Variants in LARGE1 observed in about 807,000 individuals in gnomAD.
LARGE1 encodes LARGE xylosyl- and glucuronyltransferase 1, also known as xylosyl- and glucuronyltransferase LARGE1.
Under a neutral mutation model 87.6 loss-of-function variants are expected in LARGE1, and 43 were observed. The observed-to-expected ratio is 0.49, with a 90% confidence interval of 0.38 to 0.63. The LOEUF (loss-of-function observed/expected upper bound fraction) is 0.63. Among genes scored for constraint, LARGE1 ranks in the 30% least tolerant of loss-of-function variants. The pLI is 0.00. For missense variants in LARGE1, 802 were observed against 1,000.2 expected (o/e 0.80, Z 2.67); for synonymous variants, 434 against 394.6 (o/e 1.10, Z -1.18).
chr22:33,295,359 C>T (rs1189517014), intron 12 of LARGE1, among the ~76,000 whole-genome samples: 3 of 152,220 alleles, frequency 2.0e-5, no homozygotes, highest in Non-Finnish European at 2.9e-5. Context: ...TGTGTGTGTA[C>T]ATGCGTGTGG....
the LARGE1 span, among the ~76,000 whole-genome samples, chr22:33,075,765 T>A: frequency 1.3e-5 from 2 of 152,234 alleles, no homozygotes; most frequent in African/African-American, 4.8e-5. Flanking sequence ...CGGTATCACA[T>A]TCCTTCCTCT....
At chr22:33,327,907 A>C (rs1322034529) in intron 10 of LARGE1, among the ~76,000 whole-genome samples, 3 of 152,202 alleles carry the variant, frequency 2.0e-5, no homozygotes, top group Admixed American at 2.0e-4. Flanking sequence ...CTTCAAGAAA[A>C]GGACTTGTTA....
chr22:33,728,317 T>A (rs1347861522), intron 2 of LARGE1, among the ~76,000 whole-genome samples: 1 of 152,106 alleles, frequency 6.6e-6, no homozygotes, highest in Middle Eastern at 3.4e-3. Context: ...GGCAGGCAGA[T>A]CACTTGAGGT....
At chr22:33,151,565 T>C in the LARGE1 span, among the ~76,000 whole-genome samples, 35 of 152,192 alleles carry the variant, frequency 2.3e-4, no homozygotes, top group Non-Finnish European at 4.4e-4. Flanking sequence ...GGTATGATAC[T>C]AGCTATTGTC....
chr22:33,804,382 G>C (rs1206734415), intron 1 of LARGE1, among the ~76,000 whole-genome samples: 1 of 152,132 alleles, frequency 6.6e-6, no homozygotes, highest in Admixed American at 6.5e-5. Context: ...TTTCTACCAT[G>C]GTCTTCAGGC....
intron 2 of LARGE1, among the ~76,000 whole-genome samples, chr22:33,658,921 A>G (rs1466767249): frequency 1.3e-5 from 2 of 152,154 alleles, no homozygotes; most frequent in Non-Finnish European, 2.9e-5. Context: ...GCCACACTTA[A>G]TTATAGTATT....
At chr22:33,269,734 G>A (rs1928143180), downstream of LARGE1, among the ~76,000 whole-genome samples, 1 of 151,996 alleles carries the variant, frequency 6.6e-6, no homozygotes, top group South Asian at 2.1e-4. Context: ...CTGAGCCACC[G>A]GTGGCTCACG....
chr22:33,404,948 G>C, intron 7 of LARGE1, among the ~76,000 whole-genome samples: 1 of 152,248 alleles, frequency 6.6e-6, no homozygotes, highest in East Asian at 1.9e-4. Context: ...TAGTCATCAC[G>C]GCCACAAAAG....
At chr22:33,831,086 TTTTTTTC>T (rs954641446) in intron 1 of LARGE1, among the ~76,000 whole-genome samples, 6 of 146,848 alleles carry the variant, frequency 4.1e-5, no homozygotes, top group Middle Eastern at 3.5e-3. Context: ...GCAGATATTA[TTTTTTTC>T]TTTTTTCTTT....
rs1175056491 is a variant in LARGE1 at position 33,273,431 on chromosome 22, A to G, written c.*996T>C. 2.5e-6 allele frequency: 1 copy of G among 398,694 alleles called. No individual in the cohort carries two copies. Among genetic ancestry groups the G allele is most frequent in the Middle Eastern group, 6.3e-4 (1 of 1,588 alleles). The allele number at this position is 398,694 out of a possible 1,614,324, so 24.7% of individuals were successfully genotyped here. A position where few individuals can be genotyped will look rare whatever the true frequency, so the allele number is the denominator to read the frequency against. ...CAGAACTGGGCTTTCATGAATTATG[A>G]AAGTTCTTCGAAAGGCCTGAGAGGT... On this transcript the variant is annotated 3_prime_UTR_variant, in exon 15 of 15. Coordinates refer to ENST00000397394, the MANE Select transcript of LARGE1 (RefSeq NM_133642.5).
At position 33,310,611 on chromosome 22, in the gene LARGE1, C is replaced by T. The variant is rs551751597; in HGVS notation, c.1451+5474G>A. Among the ~76,000 whole-genome samples, 12 of 152,118 alleles carry T rather than the reference C, an allele frequency of 7.9e-5. 1 individual carries two copies. Among genetic ancestry groups the T allele is most frequent in the Non-Finnish European group, 1.2e-4 (8 of 68,002 alleles). On this transcript the variant is annotated intron_variant, in intron 11 of 14. Transcript: ENST00000397394. ...ATTCACGTAGGGCCTACTTCTGACT[C>T]GAAGGTTTACAAATATATCTGAAAG...
intron 5 of LARGE1, among the ~76,000 whole-genome samples, chr22:33,581,145 A>G (rs951474688): frequency 9.2e-5 from 14 of 152,196 alleles, no homozygotes; most frequent in Admixed American, 1.3e-4. Flanking sequence ...CACATAGGAA[A>G]CTAAGACTTA....
chr22:33,706,271 C>T (rs1031354820), intron 2 of LARGE1, among the ~76,000 whole-genome samples: 5 of 152,172 alleles, frequency 3.3e-5, no homozygotes, highest in African/African-American at 7.2e-5. Context: ...ATGGATCACA[C>T]GGCTCAGCCC....
At chr22:33,344,359 C>T (rs1270755915) in intron 9 of LARGE1, among the ~76,000 whole-genome samples, 5 of 151,048 alleles carry the variant, frequency 3.3e-5, no homozygotes, top group Non-Finnish European at 7.4e-5. Flanking sequence ...AGACCATACT[C>T]TCTTCCTGAA....
intron 9 of LARGE1, among the ~76,000 whole-genome samples, chr22:33,359,293 G>C (rs1407407142): frequency 6.6e-6 from 1 of 152,154 alleles, no homozygotes; most frequent in African/African-American, 2.4e-5. Flanking sequence ...GTCATATTTA[G>C]CTGTGTGACT....
At chr22:33,921,042 G>T (rs1301041255), upstream of LARGE1, among the ~76,000 whole-genome samples, 1 of 150,346 alleles carries the variant, frequency 6.7e-6, no homozygotes, top group Non-Finnish European at 1.5e-5. The surrounding 1 kb of genome is among the most constrained non-coding windows in gnomAD (Gnocchi z 4.1). Context: ...CAGCCGGGGG[G>T]GACCGCGAGC....
chr22:33,781,203 A>G (rs546079787), intron 1 of LARGE1, among the ~76,000 whole-genome samples: 1 of 152,304 alleles, frequency 6.6e-6, no homozygotes, highest in East Asian at 1.9e-4. Context: ...CCAAATCTAT[A>G]ATTTCACACT....
chr22:33,434,661 A>G (rs2067200957), intron 6 of LARGE1, among the ~76,000 whole-genome samples: 2 of 152,190 alleles, frequency 1.3e-5, no homozygotes, highest in South Asian at 2.1e-4. Context: ...TCATCTTCAG[A>G]TATCTGAAAG....
chr22:33,504,443 A>T (rs923019531), intron 6 of LARGE1, among the ~76,000 whole-genome samples: 6 of 152,178 alleles, frequency 3.9e-5, no homozygotes, highest in African/African-American at 1.4e-4. Flanking sequence ...TATTTTTAGT[A>T]GAGACAGGGT....
Sources: gnomAD v4.1 joint callset for allele counts (sites outside exome capture counted in the v4.1 genomes callset) on GRCh38, gnomAD v4.1.1 for gene constraint, Gnocchi (gnomAD v3.1) non-coding constraint, MANE v1.5 for transcripts, NCBI Gene and HGNC (gene_info 2026-07-23, HGNC 2026-07-21) for gene names.